Variants in VMA21 observed in about 807,000 individuals in gnomAD.
VMA21 encodes the protein vacuolar ATPase assembly integral membrane protein VMA21.
For missense variants in VMA21, 61 were observed against 80.6 expected (o/e 0.76, Z 0.93); for synonymous variants, 47 against 34.1 (o/e 1.38, Z -1.32).
chrX:151,403,254 A>G (rs1463421984), intron 1 of VMA21, among the ~76,000 whole-genome samples: 2 of 112,055 alleles, frequency 1.8e-5, no homozygotes, highest in Non-Finnish European at 3.8e-5. Flanking sequence ...CGGTTGCCGC[A>G]TGGGTTGGGC....
chrX:151,397,806 G>A (rs1432106628), intron 1 of VMA21, among the ~76,000 whole-genome samples: 1 of 111,759 alleles, frequency 8.9e-6, no homozygotes, highest in Non-Finnish European at 1.9e-5. Context: ...CTTCACTTGG[G>A]GAATCAGTAA....
At position 151,404,909 on chromosome X, in the gene VMA21, T is replaced by C; in HGVS notation, c.164-7T>C. ...TAAAATGGAAACTGTTTTTTTTCTCTTGATAGGCGCCCTTGGGATGTCCAA... is the reference window on the plus strand; with the variant it reads ...TAAAATGGAAACTGTTTTTTTTCTCCTGATAGGCGCCCTTGGGATGTCCAA... On this transcript the variant is annotated splice_polypyrimidine_tract_variant and splice_region_variant and intron_variant, in intron 2 of 2. Coordinates refer to ENST00000330374, the MANE Select transcript of VMA21 (RefSeq NM_001017980.4). The C allele has an allele frequency of 8.3e-7, 1 of 1,209,664 alleles. No individual in the cohort carries two copies.
chrX:151,402,761 G>A (rs1276779522), intron 1 of VMA21, among the ~76,000 whole-genome samples: 1 of 112,615 alleles, frequency 8.9e-6, no homozygotes, highest in African/African-American at 3.2e-5. Context: ...GTTGCTGCAC[G>A]GGCTCAGGGA....
rs1436283303 is a variant in VMA21, at chrX:151,408,100, C to G, written c.*3042C>G. The G allele has an allele frequency of 9.1e-6, 1 of 110,228 alleles. No individual in the cohort carries two copies. The highest frequency in any genetic ancestry group is 1.9e-5 in the Non-Finnish European group (1 of 52,809). 9.1% of individuals were successfully genotyped at this position (110,228 alleles called of 1,213,427 possible). A position where few individuals can be genotyped will look rare whatever the true frequency, so the allele number is the denominator to read the frequency against. ...AGAGACGGGGTTTCACCATGTTAGC[C>G]AGGCTAGTCTCGAACTCCTGACCTC... is the stretch of plus-strand genomic sequence containing the variant. On this transcript the variant is annotated 3_prime_UTR_variant, in exon 3 of 3. Transcript: ENST00000330374.
At chrX:151,403,826 T>A (rs2011258436) in intron 2 of VMA21, 86 bp downstream of exon 2, 2 of 670,806 alleles carry the variant, frequency 3.0e-6, no homozygotes, top group Non-Finnish European at 4.7e-6. Flanking sequence ...TTAAACTGGG[T>A]ATTCTTATTT....
At chrX:151,404,849 TG>T (rs2124126552) in intron 2 of VMA21, 66 bp from the exon 3 acceptor site, 2 of 1,118,181 alleles carry the variant, frequency 1.8e-6, no homozygotes, top group Admixed American at 2.4e-5. Context: ...TAGGATGCTT[TG>T]TTTTTTTTTT....
chrX:151,398,790 C>T (rs747063690), intron 1 of VMA21, among the ~76,000 whole-genome samples: 2 of 112,218 alleles, frequency 1.8e-5, no homozygotes, highest in South Asian at 7.4e-4. Context: ...TCAATGTTGG[C>T]TGCAGAAGTT....
At chrX:151,396,745 T>C (rs2011191732), upstream of VMA21, 1 of 431,439 alleles carries the variant, frequency 2.3e-6, no homozygotes, top group Non-Finnish European at 4.1e-6. Flanking sequence ...AGTGGCGAAA[T>C]AATGCGCACT....
At position 151,397,338 on chromosome X, in the gene VMA21, C is replaced by A. The variant is rs985172619; in HGVS notation, c.30C>A (p.Asn10Lys). The A allele has an allele frequency of 8.6e-7, 1 of 1,162,717 alleles. No homozygotes were observed. Among genetic ancestry groups the A allele is most frequent in the East Asian group, 3.3e-5 (1 of 30,765 alleles). The change falls in exon 1 of 3, where the codon AAC becomes AAA. Residue 10 changes from asparagine to lysine, a missense_variant. Physicochemically the swap from Asn to Lys is moderately conservative, Grantham distance 94 (BLOSUM62 0). Transcript: ENST00000330374. ...AGCGCCCGGATAAGGCGGCGCTGAA[C>A]GCACTGCAGCCTCCTGAGTTCAGGT... MERPDKAAL[N>K]ALQPPEFRNE... is the part of the protein sequence containing the mutation.
upstream of VMA21, chrX:151,396,805 A>C (rs2011192146): frequency 2.0e-6 from 1 of 497,226 alleles, no homozygotes; most frequent in African/African-American, 2.4e-5. Context: ...CTAGCACCAC[A>C]GCCCTCTGGC....
chrX:151,399,180 A>T (rs761270770), intron 1 of VMA21, among the ~76,000 whole-genome samples: 1 of 112,261 alleles, frequency 8.9e-6, no homozygotes, highest in African/African-American at 3.2e-5. Flanking sequence ...AAGTAGTCAC[A>T]TTTTTGAAGT....
chrX:151,400,937 C>A (rs1249650694), intron 1 of VMA21, among the ~76,000 whole-genome samples: 5 of 112,343 alleles, frequency 4.5e-5, no homozygotes, highest in Non-Finnish European at 7.5e-5. Flanking sequence ...GGGGTATTAA[C>A]CCCTTACAAG....
intron 1 of VMA21, among the ~76,000 whole-genome samples, chrX:151,398,762 G>A (rs748860130): frequency 6.2e-5 from 7 of 112,320 alleles, no homozygotes; most frequent in Non-Finnish European, 1.3e-4. Flanking sequence ...AAAAGGGAAT[G>A]TGGTAGGCTC....
At chrX:151,398,664 T>A (rs1231681461) in intron 1 of VMA21, among the ~76,000 whole-genome samples, 2 of 111,732 alleles carry the variant, frequency 1.8e-5, no homozygotes, top group African/African-American at 6.5e-5. Flanking sequence ...TACAGCATAG[T>A]CCTTCTAGAC....
chrX:151,403,351 C>T (rs2011253303), intron 1 of VMA21, among the ~76,000 whole-genome samples: 1 of 112,810 alleles, frequency 8.9e-6, no homozygotes, highest in African/African-American at 3.2e-5. Flanking sequence ...TTAGTTTGTT[C>T]ACCCAGCTTG....
At position 151,397,300 on chromosome X, in the gene VMA21, G is replaced by T; in HGVS notation, c.-9G>T. 1 of 1,160,594 alleles carries T rather than the reference G, an allele frequency of 8.6e-7. No individual in the cohort carries two copies. The highest frequency in any genetic ancestry group is 1.1e-6 in the Non-Finnish European group (1 of 872,369). ...CGCCGCCGAGCGCCTGTGCCGGCAC[G>T]GCTACACCATGGAGCGCCCGGATAA... On this transcript the variant is annotated 5_prime_UTR_variant, in exon 1 of 3. Transcript: ENST00000330374.
At chrX:151,399,038 A>G (rs2011217101) in intron 1 of VMA21, among the ~76,000 whole-genome samples, 1 of 112,715 alleles carries the variant, frequency 8.9e-6, no homozygotes. Flanking sequence ...AGCAAAACCA[A>G]CAGCTCTTGT....
intron 2 of VMA21, 49 bp downstream of exon 2, chrX:151,403,789 C>T: frequency 1.0e-6 from 1 of 987,711 alleles, no homozygotes; most frequent in East Asian, 3.1e-5. Flanking sequence ...ATTTAAGATT[C>T]TGTGCTTTTA....
chrX:151,396,759 T>C, upstream of VMA21: 1 of 447,543 alleles, frequency 2.2e-6, no homozygotes. Flanking sequence ...GCGCACTGCT[T>C]TTTTGTGTTG....
Sources: gnomAD v4.1 joint callset for allele counts (sites outside exome capture counted in the v4.1 genomes callset) on GRCh38, gnomAD v4.1.1 for gene constraint, MANE v1.5 for transcripts, NCBI Gene and HGNC (gene_info 2026-07-23, HGNC 2026-07-21) for gene names.